Variants in LETM2 observed in about 807,000 individuals in gnomAD.
LETM2 encodes leucine zipper and EF-hand containing transmembrane protein 2.
LETM2 carries 58 observed loss-of-function variants against 59.6 expected under a neutral mutation model. The ratio of observed to expected loss-of-function variants is 0.97; its 90% confidence interval spans 0.79 to 1.21. The LOEUF (loss-of-function observed/expected upper bound fraction) is 1.21. LETM2 is among the 50% of genes most tolerant of loss of function. LETM2 has a pLI of 0.00. For missense variants in LETM2, 572 were observed against 575.7 expected (o/e 0.99, Z 0.07); for synonymous variants, 199 against 214.1 (o/e 0.93, Z 0.62).
At chr8:38,388,098 T>G in intron 2 of LETM2, 68 bp downstream of exon 2, 1 of 977,832 alleles carries the variant, frequency 1.0e-6, no homozygotes, top group Non-Finnish European at 1.5e-6. Flanking sequence ...TTTTTTTTTC[T>G]GAGATGGAGT....
At position 38,400,368 on chromosome 8, in the gene LETM2, A is replaced by T. The variant is rs140611222; in HGVS notation, c.742A>T (p.Met248Leu). 272 of 1,613,458 alleles carry T rather than the reference A, an allele frequency of 1.7e-4. No homozygotes were observed. The highest frequency in any genetic ancestry group is 2.2e-4 in the Non-Finnish European group (259 of 1,179,782). Residue 248 changes from methionine to leucine, a missense_variant, in exon 5 of 11, where the codon ATG becomes TTG. Transcript: ENST00000379957. ...AATGGCAAGGAGGAACAGAGCCAAG[A>T]TGGGCGATGCCTCTACACAGCTCTC... ...TEMARRNRAK[M>L]GDASTQLSSY...
intron 7 of LETM2, among the ~76,000 whole-genome samples, chr8:38,403,815 G>A (rs1437419158): frequency 6.6e-6 from 1 of 152,156 alleles, no homozygotes; most frequent in African/African-American, 2.4e-5. Flanking sequence ...CAGAAGCTTT[G>A]TGAATACTTT....
In LETM2 at chr8:38,400,273, A is replaced by C. The variant is rs1312024944; in HGVS notation, c.647A>C (p.Glu216Ala). Residue 216 changes from glutamate (E) to alanine (A), a missense_variant and splice_region_variant, in exon 5 of 11, where the codon GAA (glutamate) becomes GCA (alanine). Glu to Ala is a moderately radical substitution (Grantham distance 107). Coordinates refer to ENST00000379957, the MANE Select transcript of LETM2 (RefSeq NM_001286819.2). ...AACTTTTATTCTTCTACCATTAAGG[A>C]AGAAAAACAGAAAAAGAAAATGGCT... ...PSTFESESKKEEKQKKKMAVK... is the reference protein window; with the variant it reads ...PSTFESESKKAEKQKKKMAVK... 2 of 1,605,642 alleles carry C rather than the reference A, an allele frequency of 1.2e-6. No homozygotes were observed. The highest frequency in any genetic ancestry group is 1.7e-5 in the Admixed American group (1 of 58,404).
chr8:38,388,381 G>A (rs1217796745), intron 2 of LETM2, among the ~76,000 whole-genome samples: 1 of 151,350 alleles, frequency 6.6e-6, no homozygotes, highest in Non-Finnish European at 1.5e-5. Context: ...CGCCTGGCCT[G>A]AATTTCATCC....
intron 2 of LETM2, 40 bp from the exon 3 acceptor site, chr8:38,392,502 A>G (rs775599441): frequency 1.7e-6 from 2 of 1,151,482 alleles, no homozygotes; most frequent in Non-Finnish European, 2.6e-6. Context: ...GCTTTGTAAT[A>G]GTATGTACTT....
At chr8:38,396,142 G>A (rs180889227) in intron 4 of LETM2, among the ~76,000 whole-genome samples, 71 of 151,624 alleles carry the variant, frequency 4.7e-4, no homozygotes, top group African/African-American at 1.3e-3. Context: ...TTATGTCTGT[G>A]ATCCATTTTA....
rs1251148805 is a variant in LETM2 at position 38,400,975 on chromosome 8, A to G, written c.906A>G (p.Glu302=). 12 of 1,614,022 alleles carry G rather than the reference A, an allele frequency of 7.4e-6. No individual in the cohort carries two copies. The African/African-American group carries it at 1.2e-4, about 16-fold the overall frequency. The change falls in exon 6 of 11, where the codon GAA becomes GAG. Residue 302 remains glutamate, a synonymous_variant. Coordinates refer to ENST00000379957, the MANE Select transcript of LETM2 (RefSeq NM_001286819.2). The part of the protein sequence containing the change: ...PQLVALCKLL[E]LQTFGTNNLL... ...TGGTTGCCCTTTGCAAACTGCTGGAATTGCAGACATTTGGAACCAACAACC... is the reference window on the plus strand; with the variant it reads ...TGGTTGCCCTTTGCAAACTGCTGGAGTTGCAGACATTTGGAACCAACAACC...
intron 10 of LETM2, chr8:38,407,931 G>A: frequency 2.4e-6 from 1 of 422,702 alleles, no homozygotes; most frequent in Non-Finnish European, 4.4e-6. Flanking sequence ...GGAGGTTGTG[G>A]GAGAGTTGAA....
In LETM2 at chr8:38,407,455, G is replaced by A; in HGVS notation, c.1405G>A (p.Glu469Lys). The A allele has an allele frequency of 1.9e-6, 3 of 1,587,606 alleles. No homozygotes were observed. Among genetic ancestry groups the A allele is most frequent in the Non-Finnish European group, 8.6e-7 (1 of 1,156,274 alleles). The change falls in exon 10 of 11, where the codon GAA becomes AAA. Residue 469 changes from glutamate (E) to lysine (K), a missense_variant. Coordinates refer to ENST00000379957, the MANE Select transcript of LETM2 (RefSeq NM_001286819.2). ...SLPKGPITSS[E>K]EPTLQAKSQM... ...ACCTAAAGGACCCATCACTTCTTCT[G>A]AAGAACCTGTAAGTATCTTTAATAA...
chr8:38,384,141 A>G (rs928667109), upstream of LETM2, among the ~76,000 whole-genome samples: 8 of 148,892 alleles, frequency 5.4e-5, no homozygotes, highest in Non-Finnish European at 8.9e-5. Context: ...TTTTTTTTCT[A>G]TGAGCCTTTC....
chr8:38,394,079 T>C lies in LETM2; in HGVS notation c.502-19T>C, dbSNP rs1812502825. On this transcript the variant is annotated intron_variant, in intron 3 of 10. Transcript: ENST00000379957. ...ATGCCCTAAAATAATGAATATTGCA[T>C]ATGCATTTAATTCTATAGCTGTTGA... 1 of 1,425,976 alleles carries C rather than the reference T, an allele frequency of 7.0e-7. No homozygotes were observed. Among genetic ancestry groups the C allele is most frequent in the Non-Finnish European group, 9.1e-7 (1 of 1,093,146 alleles). The allele number at this position is 1,425,976 out of a possible 1,614,324, so 88.3% of individuals were successfully genotyped here. A position where few individuals can be genotyped will look rare whatever the true frequency, so the allele number is the denominator to read the frequency against.
chr8:38,405,478 T>G (rs1813645223), intron 8 of LETM2, among the ~76,000 whole-genome samples: 1 of 152,242 alleles, frequency 6.6e-6, no homozygotes, highest in Non-Finnish European at 1.5e-5. Context: ...CCAGTCGTTT[T>G]ACATCTTAAT....
chr8:38,402,586 C>T lies in LETM2; in HGVS notation c.1046C>T (p.Ala349Val). The T allele has an allele frequency of 6.2e-7, 1 of 1,613,992 alleles. No individual in the cohort carries two copies. The highest frequency in any genetic ancestry group is 8.5e-7 in the Non-Finnish European group (1 of 1,179,872). ...SVSELQAACRARGMRSLGLTE... is the reference protein window; with the variant it reads ...SVSELQAACRVRGMRSLGLTE... ...TCAGAACTACAGGCTGCCTGTAGGG[C>T]CCGAGGGATGAGATCACTGGGTCTC... is the stretch of plus-strand genomic sequence containing the variant. The change falls in exon 7 of 11, where the codon GCC becomes GTC. Residue 349 changes from alanine (A) to valine (V), a missense_variant. Coordinates refer to ENST00000379957, the MANE Select transcript of LETM2 (RefSeq NM_001286819.2).
chr8:38,400,598 AG>A (rs1813117735), intron 5 of LETM2, 189 bp downstream of exon 5: 1 of 678,478 alleles, frequency 1.5e-6, no homozygotes, highest in East Asian at 2.8e-5. Flanking sequence ...CCTGTCTTAA[AG>A]TAATCAACGT....
intron 2 of LETM2, among the ~76,000 whole-genome samples, chr8:38,391,200 AAAAAAAAAAAC>A (rs1585973991): frequency 6.3e-5 from 7 of 111,582 alleles, no homozygotes; most frequent in East Asian, 2.9e-4. Context: ...AAAAAAAAAC[AAAAAAAAAAAC>A]CAAAAAACTG....
intron 7 of LETM2, among the ~76,000 whole-genome samples, chr8:38,403,557 AAGTAAG>A (rs1488831638): frequency 9.8e-5 from 15 of 152,382 alleles, no homozygotes; most frequent in African/African-American, 3.6e-4. Context: ...TTTGGACTTC[AAGTAAG>A]AGCATCAATG....
At position 38,408,218 on chromosome 8, in the gene LETM2, C is replaced by G; in HGVS notation, c.1420C>G (p.Gln474Glu). The G allele has an allele frequency of 6.2e-7, 1 of 1,612,514 alleles. No individual in the cohort carries two copies. The highest frequency in any genetic ancestry group is 8.5e-7 in the Non-Finnish European group (1 of 1,179,252). The change falls in exon 11 of 11, where the codon CAG becomes GAG. Residue 474 changes from glutamine to glutamate, a missense_variant. Transcript: ENST00000379957. ...PITSSEEPTL[Q>E]AKSQMTAQNS... ...CCTTGTTTTTTACGCCTAGACACTC[C>G]AGGCCAAATCACAAATGACGGCCCA...
intron 8 of LETM2, among the ~76,000 whole-genome samples, chr8:38,405,338 A>G (rs1343609715): frequency 1.3e-5 from 2 of 152,148 alleles, no homozygotes; most frequent in Non-Finnish European, 2.9e-5. Context: ...GCCCATCAGA[A>G]AGGGCCTCCC....
chr8:38,391,556 G>A (rs1045978366), intron 2 of LETM2, among the ~76,000 whole-genome samples: 4 of 152,072 alleles, frequency 2.6e-5, no homozygotes, highest in Admixed American at 1.3e-4. Context: ...GCCTCCCAAA[G>A]TGCTGGGATT....
Sources: allele counts gnomAD v4.1 joint callset (sites outside exome capture counted in the v4.1 genomes callset), GRCh38; gene constraint gnomAD v4.1.1; transcripts MANE v1.5; gene names NCBI Gene and HGNC (gene_info 2026-07-23, HGNC 2026-07-21).